The following MYO9B variants were observed in gnomAD, a reference collection of about 807,000 sequenced individuals.
MYO9B encodes unconventional myosin-IXb.
A neutral mutation model predicts 229.5 loss-of-function variants in MYO9B; 71 were observed. The observed-to-expected ratio is 0.31, with a 90% CI of 0.26 to 0.38. The LOEUF is 0.38. Ranked by LOEUF, MYO9B falls within the 10% of genes least tolerant of loss-of-function variation. The probability of loss-of-function intolerance (pLI) is 1.00; values close to 1 mark genes in which losing one functional copy is unlikely to be tolerated. For missense variants in MYO9B, 2,255 were observed against 2,920.5 expected (o/e 0.77, Z 5.25); for synonymous variants, 1,185 against 1,235.8 (o/e 0.96, Z 0.86).
At chr19:17,143,795 C>A (rs142805009) in intron 2 of MYO9B, among the ~76,000 whole-genome samples, 7 of 152,212 alleles carry the variant, frequency 4.6e-5, no homozygotes, top group Non-Finnish European at 2.9e-5. Context: ...GTGGCACACG[C>A]CTGTATTCCC....
At chr19:17,160,429 TG>T in intron 8 of MYO9B, among the ~76,000 whole-genome samples, 1 of 152,214 alleles carries the variant, frequency 6.6e-6, no homozygotes, top group African/African-American at 2.4e-5. Context: ...TGAATACATC[TG>T]TCAGAGCTGA....
At chr19:17,160,163 G>C (rs1354245342) in intron 8 of MYO9B, among the ~76,000 whole-genome samples, 1 of 152,172 alleles carries the variant, frequency 6.6e-6, no homozygotes, top group Non-Finnish European at 1.5e-5. Flanking sequence ...TCACGGCAGG[G>C]ATTTTTAGCC....
chr19:17,147,832 G>A (rs560351667), intron 3 of MYO9B, among the ~76,000 whole-genome samples: 14 of 151,196 alleles, frequency 9.3e-5, no homozygotes, highest in South Asian at 2.1e-4. Flanking sequence ...ACAGGCATGC[G>A]CCACCACACC....
In MYO9B at chr19:17,156,226, G is replaced by A. The variant is rs1384675873; in HGVS notation, c.1200-683G>A. 3.9e-5 allele frequency among the ~76,000 whole-genome samples: 6 copies of A among 151,982 alleles called. No homozygotes were observed. The East Asian group carries it at 9.7e-4, about 25-fold the overall frequency. ...TCTTGGTCTGGGGGCTAGTCAGAGGGATCCGTACACTTCTTTTTTCTTTTG... is the reference window on the plus strand; with the variant it reads ...TCTTGGTCTGGGGGCTAGTCAGAGGAATCCGTACACTTCTTTTTTCTTTTG... On this transcript the variant is annotated intron_variant, in intron 6 of 39. Transcript: ENST00000682292.
chr19:17,192,099 G>T (rs1382816322), intron 20 of MYO9B, among the ~76,000 whole-genome samples: 4 of 151,788 alleles, frequency 2.6e-5, no homozygotes, highest in African/African-American at 9.7e-5. Context: ...GGGATTACAG[G>T]TGCCCGCCAC....
intron 22 of MYO9B, among the ~76,000 whole-genome samples, chr19:17,197,213 G>T (rs950807516): frequency 4.6e-5 from 7 of 151,348 alleles, no homozygotes; most frequent in Non-Finnish European, 8.8e-5. Flanking sequence ...GGAGGCAGAG[G>T]TTGCAGTGAG....
At chr19:17,203,830 CT>C (rs2073133280) in intron 30 of MYO9B, among the ~76,000 whole-genome samples, 1 of 152,056 alleles carries the variant, frequency 6.6e-6, no homozygotes, top group Non-Finnish European at 1.5e-5. Flanking sequence ...TCTGTACACG[CT>C]GCTCCACCGC....
chr19:17,212,284 C>A lies in MYO9B; in HGVS notation c.6448C>A (p.Pro2150Thr). The change falls in exon 40 of 40, where the codon CCC (proline) becomes ACC (threonine). Residue 2150 changes from proline to threonine, a missense_variant. Physicochemically the swap from Pro to Thr is conservative, Grantham distance 38 (BLOSUM62 -1). Transcript: ENST00000682292. This position sits in a 1 kb window ranked among gnomAD's most constrained non-coding sequence, Gnocchi z 5.4. ...YSDPPTYCLP[P>T]ASGQTNG The stretch of plus-strand genomic sequence containing the variant: ...GGATCCCCCAACGTACTGCCTGCCC[C>A]CCGCCTCGGGCCAGACCAATGGCTG... 1 of 1,538,344 alleles carries A rather than the reference C, an allele frequency of 6.5e-7. No individual in the cohort carries two copies.
At chr19:17,206,225 G>GCGGCCCC in intron 32 of MYO9B, 23 bp from the exon 33 acceptor site, 1 of 1,564,666 alleles carries the variant, frequency 6.4e-7, no homozygotes, top group Non-Finnish European at 8.7e-7. Context: ...CCGCTCACCA[G>GCGGCCCC]ACCCACCCCA....
At chr19:17,178,258 G>A (rs1165205851) in intron 14 of MYO9B, among the ~76,000 whole-genome samples, 2 of 152,148 alleles carry the variant, frequency 1.3e-5, no homozygotes, top group Middle Eastern at 3.2e-3. Flanking sequence ...GAGCACAGGG[G>A]CTGGGGTCGG....
At position 17,211,937 on chromosome 19, in the gene MYO9B, C is replaced by CCCG; in HGVS notation, c.6101_6102insCCG (p.Pro2034_Ser2035insArg). The CCCG allele has an allele frequency of 6.6e-7, 1 of 1,505,126 alleles. No individual in the cohort carries two copies. The highest frequency in any genetic ancestry group is 1.9e-5 in the Admixed American group (1 of 52,830). 93.2% of individuals were successfully genotyped at this position (1,505,126 alleles called of 1,614,324 possible). On this transcript the variant is annotated inframe_insertion, in exon 40 of 40. Coordinates refer to ENST00000682292, the MANE Select transcript of MYO9B (RefSeq NM_004145.4). ...CTCCCTTGCCCCGGCGCGCCCACCC[C>CCCG]GAGCCCCCTCCCCACCGTGGCCGCC...
intron 2 of MYO9B, among the ~76,000 whole-genome samples, chr19:17,143,958 G>A (rs2072375240): frequency 6.6e-6 from 1 of 151,712 alleles, no homozygotes; most frequent in African/African-American, 2.4e-5. Flanking sequence ...ATAACTGTTG[G>A]ATACTAGGCT....
chr19:17,162,931 G>A (rs1252003365), intron 9 of MYO9B, 57 bp from the exon 10 acceptor site: 4 of 1,570,480 alleles, frequency 2.5e-6, no homozygotes, highest in Non-Finnish European at 3.5e-6. Flanking sequence ...CTCTCATGAA[G>A]GCTGGCTCCC....
Position 17,163,229 on chromosome 19 carries a change from A to G in MYO9B, c.1671+107A>G, listed in dbSNP as rs2072623642. 4 of 1,236,844 alleles carry G rather than the reference A, an allele frequency of 3.2e-6. No individual in the cohort carries two copies. The Admixed American group carries it at 7.2e-5, about 22-fold the overall frequency. The allele number at this position is 1,236,844 out of a possible 1,614,324, so 76.6% of individuals were successfully genotyped here. A position where few individuals can be genotyped will look rare whatever the true frequency, so the allele number is the denominator to read the frequency against. On this transcript the variant is annotated intron_variant, in intron 10 of 39. Coordinates refer to ENST00000682292, the MANE Select transcript of MYO9B (RefSeq NM_004145.4). Reference sequence around the variant, plus strand: ...AATATTCAGTTCAGCGGCGGTAAGTACATTCACATATTCGCATTGTTATGC... The same window carrying G: ...AATATTCAGTTCAGCGGCGGTAAGTGCATTCACATATTCGCATTGTTATGC...
chr19:17,117,201 G>A (rs920333162), intron 2 of MYO9B, among the ~76,000 whole-genome samples: 2 of 152,180 alleles, frequency 1.3e-5, no homozygotes, highest in Admixed American at 1.3e-4. Context: ...TGTTTGGGGC[G>A]GGAGTGTGGG....
intron 37 of MYO9B, 66 bp from the exon 38 acceptor site, chr19:17,210,649 C>A: frequency 6.8e-7 from 1 of 1,474,164 alleles, no homozygotes; most frequent in South Asian, 1.4e-5. Context: ...GGGATCTGCT[C>A]ACACCTCCGG....
At chr19:17,131,725 C>T (rs886599417) in intron 2 of MYO9B, among the ~76,000 whole-genome samples, 2 of 152,188 alleles carry the variant, frequency 1.3e-5, no homozygotes, top group African/African-American at 4.8e-5. Context: ...TGGGCCCACA[C>T]CTAGGCCAGC....
At chr19:17,189,663 C>G (rs745659613) in intron 19 of MYO9B, among the ~76,000 whole-genome samples, 2 of 151,996 alleles carry the variant, frequency 1.3e-5, no homozygotes, top group South Asian at 2.1e-4. Context: ...CTAACTCCCC[C>G]ACAAGTCCTA....
intron 16 of MYO9B, 42 bp downstream of exon 16, chr19:17,183,910 T>A: frequency 6.5e-7 from 1 of 1,530,966 alleles, no homozygotes; most frequent in African/African-American, 1.4e-5. Context: ...TTCCAAGATA[T>A]CTTGCTTCTC....
Sources: gnomAD v4.1 joint callset for allele counts (sites outside exome capture counted in the v4.1 genomes callset) on GRCh38, gnomAD v4.1.1 for gene constraint, Gnocchi (gnomAD v3.1) non-coding constraint, MANE v1.5 for transcripts, NCBI Gene and HGNC (gene_info 2026-07-23, HGNC 2026-07-21) for gene names.